The following GFRA1 variants were observed in gnomAD, a reference collection of about 807,000 sequenced individuals.
GFRA1 encodes GDNF family receptor alpha-1.
In GFRA1, 16 loss-of-function variants were observed where a neutral mutation model predicts 51.6. That is an observed-to-expected ratio of 0.31 (90% confidence interval 0.21 to 0.47). GFRA1 has a LOEUF of 0.47. GFRA1 is among the 20% of genes least tolerant of loss of function. GFRA1 has a pLI of 1.00. For missense variants in GFRA1, 530 were observed against 594.3 expected, an observed-to-expected ratio of 0.89 and a Z score of 1.13; for synonymous variants, 270 against 241.3, an observed-to-expected ratio of 1.12 and a Z score of -1.10.
chr10:116,154,053 C>T (rs879599748), intron 5 of GFRA1, among the ~76,000 whole-genome samples: 5 of 152,188 alleles, frequency 3.3e-5, no homozygotes, highest in Non-Finnish European at 7.3e-5. Flanking sequence ...GATACCACTA[C>T]ACACCCACCA....
In GFRA1 at chr10:116,063,116, T is replaced by G. The variant is rs1391744440; in HGVS notation, c.*1282A>C. The G allele has an allele frequency of 6.6e-6, 1 of 152,230 alleles. No homozygotes were observed. The highest frequency in any genetic ancestry group is 2.4e-5 in the African/African-American group (1 of 41,454). The allele number at this position is 152,230 out of a possible 1,614,324, so 9.4% of individuals were successfully genotyped here. ...CTGTGCATCCCAGCATGGATGTGTT[T>G]CCAAAGAAAGGAGAACCTGCCCATG... is the stretch of plus-strand genomic sequence containing the variant. On this transcript the variant is annotated 3_prime_UTR_variant, in exon 11 of 11. Transcript: ENST00000355422.
chr10:116,158,645 G>A (rs980436540), intron 5 of GFRA1, among the ~76,000 whole-genome samples: 14 of 152,304 alleles, frequency 9.2e-5, no homozygotes, highest in Non-Finnish European at 1.8e-4. Context: ...GATCAGCCTG[G>A]GGACAGTGAT....
intron 5 of GFRA1, among the ~76,000 whole-genome samples, chr10:116,155,498 G>T (rs545834357): frequency 2.0e-5 from 3 of 152,220 alleles, no homozygotes; most frequent in Admixed American, 1.3e-4. Context: ...GAAAACAAAG[G>T]CTTGTCTCCC....
At chr10:116,091,293 C>A (rs1178488807) in intron 8 of GFRA1, among the ~76,000 whole-genome samples, 1 of 152,156 alleles carries the variant, frequency 6.6e-6, no homozygotes, top group African/African-American at 2.4e-5. Flanking sequence ...CAGTAGTGAA[C>A]AACAACATCA....
chr10:116,134,488 G>A (rs1402800392), intron 5 of GFRA1, among the ~76,000 whole-genome samples: 1 of 152,190 alleles, frequency 6.6e-6, no homozygotes, highest in Non-Finnish European at 1.5e-5. Context: ...TGTGACCCTT[G>A]TAACTGATCC....
At chr10:116,161,895 C>T (rs1414209768) in intron 5 of GFRA1, among the ~76,000 whole-genome samples, 2 of 152,146 alleles carry the variant, frequency 1.3e-5, no homozygotes, top group Non-Finnish European at 1.5e-5. Flanking sequence ...AATTATAGGC[C>T]AATGTTCAAA....
intron 5 of GFRA1, among the ~76,000 whole-genome samples, chr10:116,192,871 C>T (rs1267175427): frequency 6.6e-6 from 1 of 152,144 alleles, no homozygotes; most frequent in Non-Finnish European, 1.5e-5. Context: ...GAGGCAGTCC[C>T]GGGGGAGTGT....
intron 6 of GFRA1, among the ~76,000 whole-genome samples, chr10:116,110,136 C>T (rs1957150968): frequency 6.6e-6 from 1 of 152,230 alleles, no homozygotes; most frequent in South Asian, 2.1e-4. Context: ...GCAGAGGAAT[C>T]AGGCAGACTT....
chr10:116,105,633 C>T (rs1565578835), intron 6 of GFRA1, among the ~76,000 whole-genome samples: 1 of 152,132 alleles, frequency 6.6e-6, no homozygotes, highest in Non-Finnish European at 1.5e-5. Flanking sequence ...TTGGGGACCA[C>T]AGAAAGGTAA....
intron 5 of GFRA1, among the ~76,000 whole-genome samples, chr10:116,198,362 A>T (rs1307855050): frequency 1.3e-5 from 2 of 152,114 alleles, no homozygotes; most frequent in Admixed American, 6.5e-5. Context: ...TCAGAGATTC[A>T]CTCATCACGA....
chr10:116,067,189 T>C (rs1315854157), intron 9 of GFRA1, among the ~76,000 whole-genome samples: 4 of 152,226 alleles, frequency 2.6e-5, no homozygotes, highest in Non-Finnish European at 4.4e-5. Context: ...TTTTAATCTA[T>C]ATTAATAGCA....
At chr10:116,252,692 C>T (rs550798335) in intron 4 of GFRA1, among the ~76,000 whole-genome samples, 1 of 152,298 alleles carries the variant, frequency 6.6e-6, no homozygotes, top group South Asian at 2.1e-4. Context: ...AGGTGCAGTG[C>T]AATGTCTCGA....
Position 116,096,655 on chromosome 10 carries a change from C to G in GFRA1, c.880G>C (p.Gly294Arg), listed in dbSNP as rs1956590509. 6.5e-7 allele frequency: 1 copy of G among 1,532,442 alleles called. No individual in the cohort carries two copies. Among genetic ancestry groups the G allele is most frequent in the African/African-American group, 1.4e-5 (1 of 73,358 alleles). 94.9% of individuals were successfully genotyped at this position (1,532,442 alleles called of 1,614,324 possible). Reference sequence around the variant, plus strand: ...CCATCCTGCTTCTCTCGGATCTTACCAATAAGCCCCGAGTAGGCGAGGAGG... The same window carrying G: ...CCATCCTGCTTCTCTCGGATCTTACGAATAAGCCCCGAGTAGGCGAGGAGG... Reference protein sequence around the residue: ...DCLLAYSGLIGTVMTPNYIDS... With the variant: ...DCLLAYSGLIRTVMTPNYIDS... The change falls in exon 7 of 11, where the codon GGC (glycine) becomes CGC (arginine). Residue 294 changes from glycine (G) to arginine (R), a missense_variant and splice_region_variant. By Grantham distance (125) the Gly-to-Arg change is moderately radical (BLOSUM62 -2). Coordinates refer to ENST00000355422, the MANE Select transcript of GFRA1 (RefSeq NM_005264.8).
Position 116,136,389 on chromosome 10 carries a change from T to C in GFRA1, c.434-10832A>G, listed in dbSNP as rs139646515. On this transcript the variant is annotated intron_variant, in intron 5 of 10. Transcript: ENST00000355422. Reference sequence around the variant, plus strand: ...CACTGATATTTAGCTATTTCAACAGTAAAAGGCTAAACATGTCTTTAAAAC... The same window carrying C: ...CACTGATATTTAGCTATTTCAACAGCAAAAGGCTAAACATGTCTTTAAAAC... Among the ~76,000 whole-genome samples the C allele has an allele frequency of 3.0e-3, 457 of 152,290 alleles. 2 individuals carry two copies. Among genetic ancestry groups the C allele is most frequent in the Non-Finnish European group, 4.8e-3 (329 of 68,030 alleles).
Position 116,064,563 on chromosome 10 carries a change from T to TC in GFRA1, c.1252-20dup. ...AATTACCCTGTAAGGAAGAATGGTT[T>TC]CATTATCATCCACTGCATGTCTTCA... On this transcript the variant is annotated intron_variant, in intron 10 of 10. Transcript: ENST00000355422. The TC allele has an allele frequency of 6.2e-7, 1 of 1,605,520 alleles. No homozygotes were observed. The highest frequency in any genetic ancestry group is 8.5e-7 in the Non-Finnish European group (1 of 1,172,624).
chr10:116,067,939 G>A lies in GFRA1; in HGVS notation c.1198-2313C>T, dbSNP rs148186344. Among the ~76,000 whole-genome samples, 135 of 152,300 alleles carry A rather than the reference G, an allele frequency of 8.9e-4. 2 individuals are homozygous for A. Among genetic ancestry groups the A allele is most frequent in the African/African-American group, 3.2e-3 (131 of 41,568 alleles). On this transcript the variant is annotated intron_variant, in intron 9 of 10. Coordinates refer to ENST00000355422, the MANE Select transcript of GFRA1 (RefSeq NM_005264.8). ...GTCGCCAAGTTCTTGTTCCCCCAAA[G>A]CGGGTATCCCATTGGCCTCTGTATA...
intron 4 of GFRA1, among the ~76,000 whole-genome samples, chr10:116,246,823 C>CA (rs1252417901): frequency 6.6e-6 from 1 of 151,828 alleles, no homozygotes; most frequent in Non-Finnish European, 1.5e-5. Context: ...AAGCTGTTAC[C>CA]AAAAAAATAT....
chr10:116,236,785 G>T (rs945828986), intron 4 of GFRA1, among the ~76,000 whole-genome samples: 3 of 152,162 alleles, frequency 2.0e-5, no homozygotes, highest in Non-Finnish European at 2.9e-5. Flanking sequence ...CCAGCATTTT[G>T]TCTCTTCCTC....
rs1968798819 is a variant in GFRA1 at position 116,255,870 on chromosome 10, G to A, written c.418+13633C>T. 3 of 411,470 alleles carry A rather than the reference G, an allele frequency of 7.3e-6. No homozygotes were observed. The Admixed American group carries it at 1.9e-4, about 26-fold the overall frequency. 25.5% of individuals were successfully genotyped at this position (411,470 alleles called of 1,614,324 possible). ...TGTAGAGTAGAAAATCAGTGTTTTGGACTGACTGGTAATTGGAATTTCGGG... is the reference window on the plus strand; with the variant it reads ...TGTAGAGTAGAAAATCAGTGTTTTGAACTGACTGGTAATTGGAATTTCGGG... On this transcript the variant is annotated intron_variant, in intron 4 of 10. Coordinates refer to ENST00000355422, the MANE Select transcript of GFRA1 (RefSeq NM_005264.8).
Sources: allele counts gnomAD v4.1 joint callset (sites outside exome capture counted in the v4.1 genomes callset), GRCh38; gene constraint gnomAD v4.1.1; transcripts MANE v1.5; gene names NCBI Gene and HGNC (gene_info 2026-07-23, HGNC 2026-07-21).